Variants in NAPB observed in about 807,000 individuals in gnomAD.
The protein encoded by NAPB is NSF attachment protein beta.
A neutral mutation model predicts 44.7 loss-of-function variants in NAPB; 26 were observed. That is an observed-to-expected ratio of 0.58 (90% confidence interval 0.43 to 0.81). The LOEUF (loss-of-function observed/expected upper bound fraction) is 0.81, where lower values mean the gene tolerates loss of function less well. Among genes scored for constraint, NAPB ranks in the 30% least tolerant of loss-of-function variants. NAPB has a pLI of 0.00. For synonymous variants in NAPB, 120 were observed against 116.8 expected, an observed-to-expected ratio of 1.03 and a Z score of -0.18; for missense variants, 315 against 356.4, an observed-to-expected ratio of 0.88 and a Z score of 0.94.
In NAPB at chr20:23,421,442, G is replaced by T. The variant is rs1264945489; in HGVS notation, c.-40C>A. On this transcript the variant is annotated 5_prime_UTR_variant, in exon 1 of 11. Coordinates refer to ENST00000377026, the MANE Select transcript of NAPB (RefSeq NM_022080.3). ...CCGCCACAGCCCCCTCAGCCGGCTC[G>T]CTGTGCGCCCAGGCGCCTTAACCCT... 6.6e-7 allele frequency: 1 copy of T among 1,524,234 alleles called. No individual in the cohort carries two copies. The highest frequency in any genetic ancestry group is 8.8e-7 in the Non-Finnish European group (1 of 1,131,718). The allele number at this position is 1,524,234 out of a possible 1,614,324, so 94.4% of individuals were successfully genotyped here. A position where few individuals can be genotyped will look rare whatever the true frequency, so the allele number is the denominator to read the frequency against.
intron 7 of NAPB, among the ~76,000 whole-genome samples, chr20:23,383,770 G>C (rs1983235490): frequency 6.6e-6 from 1 of 152,084 alleles, no homozygotes. Context: ...CAAAAATATG[G>C]GTAAATATAA....
chr20:23,378,273 G>A (rs946249035), intron 10 of NAPB, among the ~76,000 whole-genome samples: 10 of 151,808 alleles, frequency 6.6e-5, no homozygotes, highest in South Asian at 2.1e-4. Context: ...GCAGTGAGCC[G>A]TGATCACACC....
chr20:23,392,442 G>A (rs1231158266), intron 5 of NAPB, among the ~76,000 whole-genome samples: 1 of 152,100 alleles, frequency 6.6e-6, no homozygotes, highest in Non-Finnish European at 1.5e-5. Context: ...AAGATGGGAG[G>A]ACTGCTTGAG....
Position 23,403,090 on chromosome 20 carries a change from A to G in NAPB, c.99-18T>C, listed in dbSNP as rs2123221600. The G allele has an allele frequency of 6.3e-7, 1 of 1,598,128 alleles. No individual in the cohort carries two copies. Among genetic ancestry groups the G allele is most frequent in the Admixed American group, 1.7e-5 (1 of 59,398 alleles). ...TGTTTCCTCTGAGAAAAAGTTAAAA[A>G]TTAGATTTTTAACAACCATCCACAT... is the stretch of plus-strand genomic sequence containing the variant. On this transcript the variant is annotated intron_variant, in intron 1 of 10. Coordinates refer to ENST00000377026, the MANE Select transcript of NAPB (RefSeq NM_022080.3).
At chr20:23,386,075 A>C (rs1271935551) in intron 7 of NAPB, among the ~76,000 whole-genome samples, 1 of 152,208 alleles carries the variant, frequency 6.6e-6, no homozygotes, top group Admixed American at 6.5e-5. Context: ...TAAATAATCC[A>C]TGGGTCACTG....
chr20:23,414,936 T>C (rs960827424), intron 1 of NAPB, among the ~76,000 whole-genome samples: 1 of 151,762 alleles, frequency 6.6e-6, no homozygotes, highest in African/African-American at 2.4e-5. Context: ...TAGAAAAATA[T>C]ATTAAAAAAA....
At chr20:23,403,149 T>TG in intron 1 of NAPB, 77 bp from the exon 2 acceptor site, 1 of 1,008,868 alleles carries the variant, frequency 9.9e-7, no homozygotes, top group Non-Finnish European at 1.5e-6. Context: ...GATTAACATT[T>TG]AGTATATACT....
chr20:23,386,250 A>G lies in NAPB; in HGVS notation c.561+3696T>C, dbSNP rs1983512981. Among the ~76,000 whole-genome samples, 4 of 152,340 alleles carry G rather than the reference A, an allele frequency of 2.6e-5. No individual in the cohort carries two copies. In the South Asian group the frequency reaches 8.3e-4, roughly 32 times the overall value. On this transcript the variant is annotated intron_variant, in intron 7 of 10. Transcript: ENST00000377026. ...AGCAAGCTAAACTTCCATGTCAAGC[A>G]CCCAGAAAAAGAGCAAAACAAATCC...
intron 1 of NAPB, among the ~76,000 whole-genome samples, chr20:23,414,254 G>A (rs965423424): frequency 5.9e-5 from 9 of 152,100 alleles, no homozygotes; most frequent in Non-Finnish European, 7.3e-5. Context: ...CCTGGGAGGC[G>A]GAGGTTGCAG....
chr20:23,400,441 G>T (rs8123761), intron 2 of NAPB, among the ~76,000 whole-genome samples: 3 of 152,054 alleles, frequency 2.0e-5, no homozygotes, highest in African/African-American at 7.2e-5. Context: ...GCTTAAACTC[G>T]GGAGGCGGAG....
intron 1 of NAPB, among the ~76,000 whole-genome samples, chr20:23,404,318 G>T (rs1362187542): frequency 1.3e-5 from 2 of 152,182 alleles, no homozygotes; most frequent in East Asian, 3.8e-4. Flanking sequence ...GACAGGACAG[G>T]TCAAGGCTGA....
rs1482426272 is a variant in NAPB, at chr20:23,379,509, A to G, written c.736-14T>C. 1 of 1,597,776 alleles carries G rather than the reference A, an allele frequency of 6.3e-7. No homozygotes were observed. Among genetic ancestry groups the G allele is most frequent in the African/African-American group, 1.4e-5 (1 of 74,028 alleles). Reference sequence around the variant, plus strand: ...TTCTAGGAGTTTCTGGTAGCATAAAAATATTTTAAAAAACAGTTCTGTAAG... The same window carrying G: ...TTCTAGGAGTTTCTGGTAGCATAAAGATATTTTAAAAAACAGTTCTGTAAG... On this transcript the variant is annotated splice_polypyrimidine_tract_variant and intron_variant, in intron 9 of 10. Transcript: ENST00000377026.
rs557741522 is a variant in NAPB, at chr20:23,389,824, A to T, written c.561+122T>A. ...ATACAACTTTGTGAACAGACTAAAA[A>T]CCGCTGAACTGTACTCATTACGTGA... On this transcript the variant is annotated intron_variant, in intron 7 of 10. Coordinates refer to ENST00000377026, the MANE Select transcript of NAPB (RefSeq NM_022080.3). 93 of 763,970 alleles carry T rather than the reference A, an allele frequency of 1.2e-4. 1 individual carries two copies. The African/African-American group carries it at 1.6e-3, about 13-fold the overall frequency. 47.3% of individuals were successfully genotyped at this position (763,970 alleles called of 1,614,324 possible). A position where few individuals can be genotyped will look rare whatever the true frequency, so the allele number is the denominator to read the frequency against.
chr20:23,403,264 AG>A (rs1228058123), intron 1 of NAPB, among the ~76,000 whole-genome samples, 192 bp from the exon 2 acceptor site: 2 of 152,200 alleles, frequency 1.3e-5, no homozygotes, highest in African/African-American at 4.8e-5. Context: ...TAAGTGGTAA[AG>A]TAACTAGCCC....
chr20:23,379,399 A>C, intron 10 of NAPB, 46 bp downstream of exon 10: 2 of 1,445,994 alleles, frequency 1.4e-6, no homozygotes, highest in Non-Finnish European at 1.9e-6. Context: ...AGTTTCTTTA[A>C]CTTAAATCTT....
intron 1 of NAPB, among the ~76,000 whole-genome samples, chr20:23,418,878 C>CA (rs1439056410): frequency 6.6e-6 from 1 of 151,618 alleles, no homozygotes; most frequent in Non-Finnish European, 1.5e-5. Context: ...ACCTGGGAGG[C>CA]GGAGGTTGCA....
At chr20:23,405,325 G>A (rs1568617662) in intron 1 of NAPB, among the ~76,000 whole-genome samples, 3 of 151,466 alleles carry the variant, frequency 2.0e-5, no homozygotes, top group African/African-American at 7.3e-5. Flanking sequence ...GAGAGAGAGA[G>A]AGAAAGAAAG....
Position 23,377,438 on chromosome 20 carries a change from T to A in NAPB, c.835A>T (p.Met279Leu). The change falls in exon 11 of 11, where the codon ATG becomes TTG. Residue 279 changes from methionine to leucine, a missense_variant. Around this residue, in one of 3 missense-constraint regions of NAPB, gnomAD observed 120 missense variants for 130.5 expected, o/e 0.92. Transcript: ENST00000377026. The part of the protein sequence containing the change: ...ISRLDQWLTT[M>L]LLRIKKSIQG... ...ATGGACTTTTTGATGCGAAGCAACA[T>A]GGTGGTCAGCCACTGATCCAAGCGA... 1.9e-6 allele frequency: 3 copies of A among 1,608,220 alleles called. No individual in the cohort carries two copies. Among genetic ancestry groups the A allele is most frequent in the Non-Finnish European group, 2.6e-6 (3 of 1,175,996 alleles).
chr20:23,385,734 G>GAAGAGAAAA (rs1254156149), intron 7 of NAPB, among the ~76,000 whole-genome samples: 156 of 131,474 alleles, frequency 1.2e-3, no homozygotes, highest in African/African-American at 4.7e-3. Flanking sequence ...AGAAGAGAAA[G>GAAGAGAAAA]AAGAGAAAGA....
Sources: allele counts gnomAD v4.1 joint callset (sites outside exome capture counted in the v4.1 genomes callset), GRCh38; gene constraint gnomAD v4.1.1; regional missense constraint gnomAD v4.1.1; transcripts MANE v1.5; gene names NCBI Gene and HGNC (gene_info 2026-07-23, HGNC 2026-07-21).